The following HEATR1 variants were observed in gnomAD, a reference collection of about 807,000 sequenced individuals.
HEATR1 encodes the protein HEAT repeat-containing protein 1.
Under a neutral mutation model 248.2 loss-of-function variants are expected in HEATR1, and 77 were observed. That is an observed-to-expected ratio of 0.31 (90% CI 0.26 to 0.37). HEATR1 has a LOEUF of 0.37. Ranked by LOEUF, HEATR1 falls within the 10% of genes least tolerant of loss-of-function variation. The pLI is 1.00. For synonymous variants in HEATR1, 897 were observed against 923.1 expected (o/e 0.97, Z 0.51); for missense variants, 2,420 against 2,504.9 (o/e 0.97, Z 0.72).
intron 3 of HEATR1, among the ~76,000 whole-genome samples, chr1:236,600,786 C>G (rs1170968896): frequency 6.6e-6 from 1 of 152,214 alleles, no homozygotes; most frequent in Non-Finnish European, 1.5e-5. Context: ...TGGCCTGCCT[C>G]AGCCTCTCAA....
At chr1:236,554,558 A>G in intron 42 of HEATR1, 40 bp downstream of exon 42, 1 of 1,598,150 alleles carries the variant, frequency 6.3e-7, no homozygotes. Context: ...TCGAACAGTG[A>G]TGGCTTCCTC....
At chr1:236,574,585 T>A in intron 23 of HEATR1, 76 bp downstream of exon 23, 2 of 1,435,688 alleles carry the variant, frequency 1.4e-6, no homozygotes, top group Non-Finnish European at 1.9e-6. Flanking sequence ...TTTTTTTTTT[T>A]AACGCTGTTC....
At chr1:236,601,609 C>T (rs1558194435) in intron 3 of HEATR1, among the ~76,000 whole-genome samples, 1 of 151,872 alleles carries the variant, frequency 6.6e-6, no homozygotes, top group Non-Finnish European at 1.5e-5. Context: ...AGTTCCAGAC[C>T]AGCCTGGGCA....
chr1:236,572,861 T>C (rs766096529), intron 24 of HEATR1, 33 bp from the exon 25 acceptor site: 5 of 1,552,224 alleles, frequency 3.2e-6, no homozygotes, highest in East Asian at 4.5e-5. Flanking sequence ...GTTGATGATA[T>C]AATCCATTGG....
chr1:236,574,800 G>C lies in HEATR1; in HGVS notation c.3188C>G (p.Thr1063Ser). Reference sequence around the variant, plus strand: ...TGAAAATTCATTATACTTTCCCAGAGTGAGATGCAGAACCATGGCCTCATC... The same window carrying C: ...TGAAAATTCATTATACTTTCCCAGACTGAGATGCAGAACCATGGCCTCATC... ...LKDEAMVLHLTLGKYNEFSVS... is the reference protein window; with the variant it reads ...LKDEAMVLHLSLGKYNEFSVS... The change falls in exon 23 of 45, where the codon ACT becomes AGT. Residue 1063 changes from threonine (T) to serine (S), a missense_variant. Thr to Ser is a moderately conservative substitution (Grantham distance 58, BLOSUM62 1). Transcript: ENST00000366582. 1 of 1,614,020 alleles carries C rather than the reference G, an allele frequency of 6.2e-7. No homozygotes were observed. Among genetic ancestry groups the C allele is most frequent in the Non-Finnish European group, 8.5e-7 (1 of 1,179,884 alleles).
Position 236,600,067 on chromosome 1 carries a change from T to C in HEATR1, c.360-443A>G, listed in dbSNP as rs117499663. 6.6e-5 allele frequency among the ~76,000 whole-genome samples: 10 copies of C among 151,436 alleles called. No individual in the cohort carries two copies. In the East Asian group the frequency reaches 1.9e-3, roughly 29 times the overall value. ...ACCATCACAGCTGGCTAATTTTTTA[T>C]TTCTGTGTAGAGACTAGGTCTCCCT... On this transcript the variant is annotated intron_variant, in intron 3 of 44. Transcript: ENST00000366582.
intron 4 of HEATR1, among the ~76,000 whole-genome samples, chr1:236,598,951 G>A (rs2275684): frequency 9.9e-5 from 15 of 152,248 alleles, no homozygotes; most frequent in Admixed American, 9.2e-4. Context: ...GACCCTTCCT[G>A]TTATACAAGC....
chr1:236,586,118 T>G, intron 15 of HEATR1, 123 bp downstream of exon 15: 1 of 1,230,234 alleles, frequency 8.1e-7, no homozygotes, highest in Non-Finnish European at 1.1e-6. Context: ...ACTTTTTATC[T>G]TGGCAAAAAT....
intron 24 of HEATR1, among the ~76,000 whole-genome samples, chr1:236,573,381 A>C (rs1048034975): frequency 6.6e-6 from 1 of 152,218 alleles, no homozygotes; most frequent in African/African-American, 2.4e-5. Flanking sequence ...GATTCTTTAG[A>C]TATGGGGTGG....
Position 236,586,423 on chromosome 1 carries a change from A to G in HEATR1, c.1745T>C (p.Ile582Thr). The G allele has an allele frequency of 6.2e-7, 1 of 1,612,878 alleles. No individual in the cohort carries two copies. The highest frequency in any genetic ancestry group is 8.5e-7 in the Non-Finnish European group (1 of 1,179,078). ...ACTCAGTATCTCTTCTTTAATTAAT[A>G]TGTCAGCGGCTATCTTAAGTACCTC... The part of the protein sequence containing the change: ...WYEVLKIAAD[I>T]LIKEEILSEN... The change falls in exon 15 of 45, where the codon ATA becomes ACA. Residue 582 changes from isoleucine (I) to threonine (T), a missense_variant. Physicochemically the swap from Ile to Thr is moderately conservative, Grantham distance 89. Coordinates refer to ENST00000366582, the MANE Select transcript of HEATR1 (RefSeq NM_018072.6).
intron 29 of HEATR1, among the ~76,000 whole-genome samples, chr1:236,567,570 G>A (rs1163437395): frequency 6.6e-6 from 1 of 152,150 alleles, no homozygotes; most frequent in African/African-American, 2.4e-5. Flanking sequence ...TTAGCCGGGC[G>A]TGGTGGTGCG....
Position 236,553,577 on chromosome 1 carries a change from T to A in HEATR1, c.6237+4A>T. On this transcript the variant is annotated splice_donor_region_variant and intron_variant, in intron 43 of 44. Coordinates refer to ENST00000366582, the MANE Select transcript of HEATR1 (RefSeq NM_018072.6). Reference sequence around the variant, plus strand: ...GTTTCAGTACTTGTCACGCAGTTCCTAACCTTAGGCGAGGAGTCTCTCGTC... The same window carrying A: ...GTTTCAGTACTTGTCACGCAGTTCCAAACCTTAGGCGAGGAGTCTCTCGTC... 6.2e-7 allele frequency: 1 copy of A among 1,613,176 alleles called. No homozygotes were observed. The highest frequency in any genetic ancestry group is 8.5e-7 in the Non-Finnish European group (1 of 1,179,556).
rs781181903 is a variant in HEATR1, at chr1:236,574,840, T to C, written c.3148A>G (p.Thr1050Ala). 1.2e-6 allele frequency: 2 copies of C among 1,613,902 alleles called. No homozygotes were observed. Among genetic ancestry groups the C allele is most frequent in the East Asian group, 4.5e-5 (2 of 44,876 alleles). ...QLLEKIQKEP[T>A]AVLKDEAMVL... ...ATGGCCTCATCTTTCAGCACAGCTG[T>C]GGGCTCCTTCTGGATCTTTTCTAGC... is the stretch of plus-strand genomic sequence containing the variant. Residue 1050 changes from threonine to alanine, a missense_variant, in exon 23 of 45, where the codon ACA becomes GCA. Transcript: ENST00000366582.
rs575111684 is a variant in HEATR1, at chr1:236,579,580, A to G, written c.2755+1642T>C. On this transcript the variant is annotated intron_variant, in intron 20 of 44. Transcript: ENST00000366582. ...CAGTTGTAAAAAGATAAATTTTTCC[A>G]TTTATTAATATGGAAAGATGTCCAT... is the stretch of plus-strand genomic sequence containing the variant. Among the ~76,000 whole-genome samples the G allele has an allele frequency of 2.2e-3, 328 of 152,364 alleles. 2 individuals carry two copies. The highest frequency in any genetic ancestry group is 7.5e-3 in the African/African-American group (312 of 41,596).
At chr1:236,589,637 A>G (rs1316621338) in intron 12 of HEATR1, among the ~76,000 whole-genome samples, 2 of 152,202 alleles carry the variant, frequency 1.3e-5, no homozygotes, top group Admixed American at 6.5e-5. Context: ...TGTAGTAAGA[A>G]TCTGCTTCTA....
At chr1:236,574,154 G>A in intron 24 of HEATR1, 48 bp downstream of exon 24, 1 of 1,524,124 alleles carries the variant, frequency 6.6e-7, no homozygotes, top group Non-Finnish European at 8.8e-7. Context: ...TCCCTTGGAA[G>A]AGACTATAAA....
At chr1:236,567,266 C>G (rs1260515057) in intron 29 of HEATR1, among the ~76,000 whole-genome samples, 2 of 152,170 alleles carry the variant, frequency 1.3e-5, no homozygotes, top group Non-Finnish European at 2.9e-5. Flanking sequence ...GTGCATGCCA[C>G]CACACTCAGC....
intron 12 of HEATR1, among the ~76,000 whole-genome samples, chr1:236,588,642 T>C (rs1211846975): frequency 3.9e-5 from 6 of 152,176 alleles, no homozygotes; most frequent in African/African-American, 1.4e-4. Context: ...AAAATAGAGA[T>C]CATTTTTTAA....
Position 236,553,678 on chromosome 1 carries a change from G to A in HEATR1, c.6140C>T (p.Pro2047Leu). The A allele has an allele frequency of 6.2e-7, 1 of 1,613,846 alleles. No homozygotes were observed. The highest frequency in any genetic ancestry group is 8.5e-7 in the Non-Finnish European group (1 of 1,179,858). The stretch of plus-strand genomic sequence containing the variant: ...GGCCACCGAAAACTGTGCGATGCAT[G>A]GTATCAGGTGCTTTGTCACCCGTTC... ...FQERVTKHLI[P>L]CIAQFSVAMA... The change falls in exon 43 of 45, where the codon CCA (proline) becomes CTA (leucine). Residue 2047 changes from proline (P) to leucine (L), a missense_variant. By Grantham distance (98) the Pro-to-Leu change is moderately conservative. Transcript: ENST00000366582.
Sources: allele counts gnomAD v4.1 joint callset (sites outside exome capture counted in the v4.1 genomes callset), GRCh38; gene constraint gnomAD v4.1.1; transcripts MANE v1.5; gene names NCBI Gene and HGNC (gene_info 2026-07-23, HGNC 2026-07-21).